DAB1: variants seen among roughly 807,000 people sequenced by gnomAD.
DAB1 encodes the protein disabled homolog 1.
A neutral mutation model predicts 64.6 loss-of-function variants in DAB1; 15 were observed. That is an observed-to-expected ratio of 0.23 (90% CI 0.16 to 0.36). The LOEUF is 0.36. Ranked by LOEUF, DAB1 falls within the 10% of genes least tolerant of loss-of-function variation. The pLI is 1.00. For missense variants in DAB1, 596 were observed against 706.7 expected, an observed-to-expected ratio of 0.84 and a Z score of 1.78; for synonymous variants, 235 against 251.9, an observed-to-expected ratio of 0.93 and a Z score of 0.64.
chr1:57,938,213 G>A (rs1170015731), intron 5 of DAB1, among the ~76,000 whole-genome samples: 2 of 152,214 alleles, frequency 1.3e-5, no homozygotes, highest in Non-Finnish European at 1.5e-5. Context: ...AGCTTCTTCT[G>A]TACAATAGGG....
At chr1:57,092,667 CG>C (rs1653798155) in intron 4 of DAB1, among the ~76,000 whole-genome samples, 1 of 94,152 alleles carries the variant, frequency 1.1e-5, no homozygotes, top group Non-Finnish European at 2.0e-5. Context: ...AGTGGTCTGG[CG>C]GGGGAGGGGG....
Position 57,675,219 on chromosome 1 carries a change from TA to T in DAB1, n.552-25555del, listed in dbSNP as rs571191834. Among the ~76,000 whole-genome samples, 39 of 152,298 alleles carry T rather than the reference TA, an allele frequency of 2.6e-4. 1 individual carries two copies. The East Asian group carries it at 6.2e-3, about 24-fold the overall frequency. ...ATACCTACATCCAGAGATTTGGGGATATTTTATTTCAACAGCAGAACATAGT... is the reference window on the plus strand; with the variant it reads ...ATACCTACATCCAGAGATTTGGGGATTTTTATTTCAACAGCAGAACATAGT... On this transcript the variant is annotated intron_variant and non_coding_transcript_variant, in intron 6 of 20. Transcript: ENST00000485760.
At chr1:58,397,036 G>T (rs1307956689) in intron 3 of DAB1, among the ~76,000 whole-genome samples, 1 of 151,202 alleles carries the variant, frequency 6.6e-6, no homozygotes, top group Non-Finnish European at 1.5e-5. Context: ...CTGCACTCTA[G>T]CCTGGGCGAC....
chr1:57,760,403 C>T (rs766654391), intron 6 of DAB1, among the ~76,000 whole-genome samples: 29 of 151,902 alleles, frequency 1.9e-4, no homozygotes, highest in Non-Finnish European at 3.4e-4. Flanking sequence ...TTTTTTACTA[C>T]TATCATTTTT....
At chr1:58,186,368 T>C (rs2100215008) in intron 4 of DAB1, among the ~76,000 whole-genome samples, 1 of 152,344 alleles carries the variant, frequency 6.6e-6, no homozygotes, top group South Asian at 2.1e-4. Flanking sequence ...TTCGTACTCT[T>C]TAATTGATTA....
intron 7 of DAB1, among the ~76,000 whole-genome samples, chr1:57,590,393 C>T (rs1284848740): frequency 1.3e-5 from 2 of 151,868 alleles, no homozygotes; most frequent in East Asian, 1.9e-4. Flanking sequence ...GATCTTGGCT[C>T]ACTGCAACCT....
chr1:58,105,320 C>G (rs574738768), intron 5 of DAB1, among the ~76,000 whole-genome samples: 2 of 152,194 alleles, frequency 1.3e-5, no homozygotes, highest in Non-Finnish European at 1.5e-5. Flanking sequence ...AAACACTCAT[C>G]GGCACCCATT....
chr1:57,306,412 C>A (rs763554183), intron 1 of DAB1, among the ~76,000 whole-genome samples: 14 of 151,906 alleles, frequency 9.2e-5, no homozygotes, highest in Non-Finnish European at 1.9e-4. Flanking sequence ...ATAAATAAAA[C>A]CACAAAATCT....
chr1:57,906,274 G>A (rs1187395313), intron 5 of DAB1, among the ~76,000 whole-genome samples: 3 of 152,146 alleles, frequency 2.0e-5, no homozygotes, highest in Non-Finnish European at 4.4e-5. Context: ...ATCAGGCACT[G>A]CTCTAAATGC....
chr1:57,159,785 G>T (rs2100878751), intron 2 of DAB1, among the ~76,000 whole-genome samples: 1 of 126,408 alleles, frequency 7.9e-6, no homozygotes, highest in South Asian at 2.6e-4. Context: ...AATTTTTCCA[G>T]ACAAAGGAAA....
chr1:57,318,472 C>T (rs746937), intron 1 of DAB1, among the ~76,000 whole-genome samples: 68,691 of 151,840 alleles, frequency 0.45, 16,471 homozygotes, highest in East Asian at 0.89. Context: ...TGATATACCT[C>T]CATAAGCCAG....
At chr1:58,242,168 A>C (rs1340555595) in intron 4 of DAB1, among the ~76,000 whole-genome samples, 1 of 152,110 alleles carries the variant, frequency 6.6e-6, no homozygotes, top group Admixed American at 6.5e-5. Context: ...CTTTGACTCA[A>C]GGAGAGCTGG....
intron 5 of DAB1, among the ~76,000 whole-genome samples, chr1:58,016,683 C>G (rs938998109): frequency 1.3e-5 from 2 of 152,108 alleles, no homozygotes; most frequent in African/African-American, 4.8e-5. Flanking sequence ...TTAATTGCCT[C>G]TATTGTCATT....
chr1:58,362,438 A>G (rs1644176501), intron 3 of DAB1, among the ~76,000 whole-genome samples: 1 of 152,250 alleles, frequency 6.6e-6, no homozygotes, highest in African/African-American at 2.4e-5. Context: ...CATGAAAAGA[A>G]GCTCAAGTGA....
intron 1 of DAB1, among the ~76,000 whole-genome samples, chr1:57,300,106 C>G (rs1336905052): frequency 6.6e-6 from 1 of 152,206 alleles, no homozygotes; most frequent in Non-Finnish European, 1.5e-5. Context: ...CACCAGCCCC[C>G]TGCACAGAGC....
chr1:57,049,450 CAAA>C (rs574438911), intron 9 of DAB1, among the ~76,000 whole-genome samples: 5 of 24,584 alleles, frequency 2.0e-4, no homozygotes, highest in South Asian at 2.6e-3. Context: ...GACTCCGTCT[CAAA>C]AAAAAAAAAA....
rs181966107 is a variant in DAB1, at chr1:57,516,313, C to T, written n.625+133279G>A. On this transcript the variant is annotated intron_variant and non_coding_transcript_variant, in intron 7 of 20. Coordinates refer to the DAB1 transcript ENST00000485760. The stretch of plus-strand genomic sequence containing the variant: ...TGTACACATTAACATGTAAGAGTCT[C>T]GAAAGGAGATGAGACACAGGAAATG... Among the ~76,000 whole-genome samples the T allele has an allele frequency of 2.3e-3, 353 of 151,970 alleles. 5 individuals carry two copies. The highest frequency in any genetic ancestry group is 2.4e-3 in the African/African-American group (99 of 41,424).
At chr1:57,491,747 T>C (rs1002803087) in intron 7 of DAB1, among the ~76,000 whole-genome samples, 2 of 152,166 alleles carry the variant, frequency 1.3e-5, no homozygotes, top group African/African-American at 2.4e-5. Flanking sequence ...GCGGCCTCTA[T>C]AGAAGCAGAG....
chr1:57,031,500 C>T (rs368293715), intron 9 of DAB1, among the ~76,000 whole-genome samples: 21 of 152,218 alleles, frequency 1.4e-4, no homozygotes, highest in East Asian at 1.3e-3. Context: ...CACTGAGCCC[C>T]GTAAAGTCAA....
Sources: gnomAD v4.1 joint callset for allele counts (sites outside exome capture counted in the v4.1 genomes callset) on GRCh38, gnomAD v4.1.1 for gene constraint, MANE v1.5 for transcripts, NCBI Gene and HGNC (gene_info 2026-07-23, HGNC 2026-07-21) for gene names.